Variants in PDK3 observed in about 807,000 individuals in gnomAD.
PDK3 encodes pyruvate dehydrogenase kinase 3.
A neutral mutation model predicts 32.0 loss-of-function variants in PDK3; 12 were observed. The observed-to-expected ratio is 0.37, with a 90% CI of 0.24 to 0.61. The LOEUF (loss-of-function observed/expected upper bound fraction) is 0.61. Ranked by LOEUF, PDK3 falls within the 20% of genes least tolerant of loss-of-function variation. PDK3 has a pLI of 0.65. For missense variants in PDK3, 188 were observed against 316.9 expected (o/e 0.59, Z 3.09); for synonymous variants, 122 against 116.3 (o/e 1.05, Z -0.31).
At chrX:24,472,113 ATG>A (rs948738890) in intron 1 of PDK3, among the ~76,000 whole-genome samples, 1 of 111,426 alleles carries the variant, frequency 9.0e-6, no homozygotes, top group Non-Finnish European at 1.9e-5. Flanking sequence ...CAGTTTTCCT[ATG>A]TTATATATTT....
intron 4 of PDK3, among the ~76,000 whole-genome samples, chrX:24,504,947 TTGG>T (rs1269151804): frequency 9.0e-6 from 1 of 111,718 alleles, no homozygotes; most frequent in Non-Finnish European, 1.9e-5. Context: ...GAAGAACGGA[TTGG>T]GCACCTGGCA....
downstream of PDK3, among the ~76,000 whole-genome samples, chrX:24,535,504 CAAA>C (rs778785042): frequency 1.1e-3 from 61 of 55,491 alleles, no homozygotes; most frequent in Non-Finnish European, 1.6e-3. Flanking sequence ...GACTCCATCT[CAAA>C]AAAAAAAAAA....
At chrX:24,489,936 G>A (rs1921510645) in intron 1 of PDK3, among the ~76,000 whole-genome samples, 1 of 110,545 alleles carries the variant, frequency 9.0e-6, no homozygotes, top group Admixed American at 9.7e-5. Flanking sequence ...ACCATGCCTA[G>A]TAGTTGAGTT....
chrX:24,538,391 A>G (rs947064275), downstream of PDK3, among the ~76,000 whole-genome samples: 1 of 112,478 alleles, frequency 8.9e-6, no homozygotes, highest in Non-Finnish European at 1.9e-5. Flanking sequence ...GTATTTATAC[A>G]TGAGAGGTTC....
chrX:24,500,048 A>G (rs1921814176), intron 3 of PDK3, among the ~76,000 whole-genome samples: 1 of 111,677 alleles, frequency 9.0e-6, no homozygotes, highest in African/African-American at 3.3e-5. Context: ...CGTTTGGCAG[A>G]AATCCTAAAA....
At chrX:24,466,268 C>T (rs766282670) in intron 1 of PDK3, among the ~76,000 whole-genome samples, 1 of 112,068 alleles carries the variant, frequency 8.9e-6, no homozygotes, top group South Asian at 3.7e-4. Flanking sequence ...TGAGGTGGGA[C>T]CAAAGAAGAT....
chrX:24,547,458 G>GTTAA (rs1357686348), exon 12 of PDK3: 1 of 111,735 alleles, frequency 8.9e-6, no homozygotes, highest in Non-Finnish European at 1.9e-5. Context: ...AAGCACTTTA[G>GTTAA]TTAAGCAAAC....
chrX:24,505,337 A>T, intron 5 of PDK3, 39 bp downstream of exon 5: 1 of 1,051,951 alleles, frequency 9.5e-7, no homozygotes, highest in South Asian at 2.0e-5. Context: ...CGTAGTTCAA[A>T]TTGGATTGTG....
intron 5 of PDK3, among the ~76,000 whole-genome samples, chrX:24,507,127 C>T (rs1004239261): frequency 9.0e-6 from 1 of 111,334 alleles, no homozygotes; most frequent in African/African-American, 3.3e-5. Flanking sequence ...ATTTTCATCA[C>T]TCCAGAAAGA....
chrX:24,501,796 T>G, intron 3 of PDK3, among the ~76,000 whole-genome samples: 1 of 112,739 alleles, frequency 8.9e-6, no homozygotes, highest in Non-Finnish European at 1.9e-5. Context: ...GGAATTATTT[T>G]CTTTGGGCTT....
rs747154414 is a variant in PDK3, at chrX:24,526,211, C to T, written c.687C>T (p.Asp229=). ...EVEEFNAKAP[D]KPIQVVYVPS... ...CTCTGTTTTCAGCCAAAGCGCCAGA[C>T]AAACCTATTCAGGTGGTTTATGTGC... Residue 229 remains aspartate (D), a synonymous_variant, in exon 7 of 11, where the codon GAC becomes GAT. Coordinates refer to ENST00000379162, the MANE Select transcript of PDK3 (RefSeq NM_005391.5). 9.1e-6 allele frequency: 11 copies of T among 1,204,078 alleles called. No homozygotes were observed. The highest frequency in any genetic ancestry group is 1.2e-5 in the Non-Finnish European group (11 of 889,891).
intron 1 of PDK3, among the ~76,000 whole-genome samples, chrX:24,489,973 GC>G (rs1921511530): frequency 9.0e-6 from 1 of 111,161 alleles, no homozygotes; most frequent in African/African-American, 3.3e-5. Flanking sequence ...CATCAGATGA[GC>G]CCAGGGAATG....
chrX:24,475,470 A>G lies in PDK3; in HGVS notation c.106+9909A>G, dbSNP rs183370004. On this transcript the variant is annotated intron_variant, in intron 1 of 10. Transcript: ENST00000379162. ...CCAGGAGTTTGAGACCAGCTCGGGC[A>G]ACACAGTGAGACCCCTGTCTCTACA... Among the ~76,000 whole-genome samples the G allele has an allele frequency of 3.2e-3, 356 of 110,941 alleles. 2 individuals are homozygous for G. Among genetic ancestry groups the G allele is most frequent in the African/African-American group, 0.011 (325 of 30,523 alleles).
At chrX:24,525,936 A>G (rs1027546660) in intron 6 of PDK3, among the ~76,000 whole-genome samples, 1 of 112,388 alleles carries the variant, frequency 8.9e-6, no homozygotes, top group Non-Finnish European at 1.9e-5. Context: ...TAATATTCCA[A>G]TTCTGCTCAA....
intron 6 of PDK3, among the ~76,000 whole-genome samples, chrX:24,522,790 C>T (rs1356365749): frequency 9.1e-6 from 1 of 109,697 alleles, no homozygotes; most frequent in Non-Finnish European, 1.9e-5. Context: ...TCTTTAGTCC[C>T]AGCTACTAGG....
At chrX:24,512,561 A>G (rs1173163741) in intron 5 of PDK3, among the ~76,000 whole-genome samples, 1 of 111,525 alleles carries the variant, frequency 9.0e-6, no homozygotes, top group Admixed American at 9.6e-5. Context: ...AGAAATTGGA[A>G]TTATCAGCCT....
chrX:24,524,060 G>C (rs1035584091), intron 6 of PDK3, among the ~76,000 whole-genome samples: 1 of 112,110 alleles, frequency 8.9e-6, no homozygotes, highest in African/African-American at 3.2e-5. Flanking sequence ...TTCAAACCTA[G>C]AATTCTCTAT....
At chrX:24,492,727 C>G (rs1921596241) in intron 1 of PDK3, among the ~76,000 whole-genome samples, 1 of 111,151 alleles carries the variant, frequency 9.0e-6, no homozygotes, top group Non-Finnish European at 1.9e-5. Context: ...GCTGGCTGGG[C>G]GCGGTGGCTC....
At chrX:24,529,771 A>AG (rs1922607427) in intron 9 of PDK3, among the ~76,000 whole-genome samples, 1 of 111,061 alleles carries the variant, frequency 9.0e-6, no homozygotes, top group South Asian at 3.8e-4. Context: ...AAAAAAAAAA[A>AG]AAAAGAAAAG....
Sources: gnomAD v4.1 joint callset for allele counts (sites outside exome capture counted in the v4.1 genomes callset) on GRCh38, gnomAD v4.1.1 for gene constraint, MANE v1.5 for transcripts, NCBI Gene and HGNC (gene_info 2026-07-23, HGNC 2026-07-21) for gene names.